COLEC10: variants seen among roughly 807,000 people sequenced by gnomAD.
COLEC10 encodes collectin subfamily member 10.
Under a neutral mutation model 28.4 loss-of-function variants are expected in COLEC10, and 22 were observed. That is an observed-to-expected ratio of 0.78 (90% CI 0.55 to 1.11). COLEC10 has a LOEUF of 1.11. Ranked by LOEUF, COLEC10 falls within the 50% of genes least tolerant of loss-of-function variation. COLEC10 has a pLI of 0.00. For missense variants in COLEC10, 361 were observed against 344.1 expected (o/e 1.05, Z -0.39); for synonymous variants, 125 against 116.1 (o/e 1.08, Z -0.49).
chr8:118,987,689 C>G, the COLEC10 span, among the ~76,000 whole-genome samples: 1 of 152,084 alleles, frequency 6.6e-6, no homozygotes, highest in African/African-American at 2.4e-5. Context: ...TATGTCTAGA[C>G]CACTATCATT....
rs757038183 is a variant in COLEC10, at chr8:119,105,936, A to G, written c.579A>G (p.Thr193=). The change falls in exon 6 of 6, where the codon ACA becomes ACG. Residue 193 remains threonine (T), a synonymous_variant. Coordinates refer to ENST00000332843, the MANE Select transcript of COLEC10 (RefSeq NM_006438.5). ...LAMPKDEAAN[T]LIADYVAKSG... is the part of the protein sequence containing the mutation. The stretch of plus-strand genomic sequence containing the variant: ...TGCCCAAGGATGAAGCTGCCAACAC[A>G]CTCATCGCTGACTATGTTGCCAAGA... 1 of 1,613,752 alleles carries G rather than the reference A, an allele frequency of 6.2e-7. No individual in the cohort carries two copies. The highest frequency in any genetic ancestry group is 8.5e-7 in the Non-Finnish European group (1 of 1,179,874).
intron 1 of COLEC10, among the ~76,000 whole-genome samples, chr8:119,077,405 A>C (rs1384261883): frequency 6.6e-6 from 1 of 152,108 alleles, no homozygotes; most frequent in African/African-American, 2.4e-5. Context: ...TGTATGCAAA[A>C]CTAAAATGTC....
intron 2 of COLEC10, among the ~76,000 whole-genome samples, chr8:119,090,818 C>T (rs1815575813): frequency 6.6e-6 from 1 of 152,152 alleles, no homozygotes; most frequent in African/African-American, 2.4e-5. Context: ...TAAAGAAGAA[C>T]AAAACCAGAA....
chr8:118,952,866 G>T, the COLEC10 span, among the ~76,000 whole-genome samples: 2 of 152,210 alleles, frequency 1.3e-5, no homozygotes, highest in South Asian at 4.1e-4. Context: ...TTGATGACTT[G>T]TAAAGTGTGG....
upstream of COLEC10, among the ~76,000 whole-genome samples, chr8:118,992,460 A>G (rs1366492558): frequency 1.3e-5 from 2 of 152,164 alleles, no homozygotes; most frequent in Non-Finnish European, 2.9e-5. Flanking sequence ...TTACTTCCTA[A>G]CAGAAGTGTT....
intron 1 of COLEC10, among the ~76,000 whole-genome samples, chr8:119,069,617 AAAAAAAAAAAAAATATATATATAT>A (rs1363189035): frequency 4.8e-5 from 3 of 62,390 alleles, no homozygotes; most frequent in African/African-American, 2.2e-4. Flanking sequence ...AAAAAAAAAA[AAAAAAAAAAAAAATATATATATAT>A]ATATATATAT....
the COLEC10 span, among the ~76,000 whole-genome samples, chr8:118,961,313 G>A: frequency 3.3e-5 from 5 of 152,292 alleles, no homozygotes; most frequent in African/African-American, 9.6e-5. Flanking sequence ...TTTGTTAGCT[G>A]TTTCTGTTTC....
intron 2 of COLEC10, among the ~76,000 whole-genome samples, chr8:119,045,189 G>A (rs1291249937): frequency 2.6e-5 from 4 of 152,126 alleles, no homozygotes; most frequent in Admixed American, 2.0e-4. Context: ...ATTGACCTCC[G>A]GCATTAATAC....
intron 2 of COLEC10, among the ~76,000 whole-genome samples, chr8:119,037,362 T>C (rs772549931): frequency 3.9e-5 from 6 of 152,178 alleles, no homozygotes; most frequent in Non-Finnish European, 8.8e-5. Flanking sequence ...TAAATACATG[T>C]AAGAATAAAT....
intron 2 of COLEC10, among the ~76,000 whole-genome samples, chr8:119,040,998 A>C (rs1031357315): frequency 1.3e-5 from 2 of 152,248 alleles, no homozygotes; most frequent in African/African-American, 4.8e-5. Context: ...CACATGGAGA[A>C]TAATTAATGC....
At chr8:119,059,247 T>A (rs1814813326) in intron 2 of COLEC10, among the ~76,000 whole-genome samples, 1 of 143,646 alleles carries the variant, frequency 7.0e-6, no homozygotes, top group African/African-American at 2.6e-5. Flanking sequence ...CTTTTATGAA[T>A]TGTTCTTTTG....
At position 119,098,400 on chromosome 8, in the gene COLEC10, T is replaced by C. The variant is rs1315367452; in HGVS notation, c.293-3948T>C. Among the ~76,000 whole-genome samples the C allele has an allele frequency of 3.9e-5, 6 of 152,218 alleles. No individual in the cohort carries two copies. In the South Asian group the frequency reaches 8.3e-4, roughly 21 times the overall value. On this transcript the variant is annotated intron_variant, in intron 3 of 5. Coordinates refer to ENST00000332843, the MANE Select transcript of COLEC10 (RefSeq NM_006438.5). Reference sequence around the variant, plus strand: ...GGATTAACTAACCTTATTTCCTTCATGCTAATTCCTCCTTTAAGGCTCAGG... The same window carrying C: ...GGATTAACTAACCTTATTTCCTTCACGCTAATTCCTCCTTTAAGGCTCAGG...
At chr8:118,984,026 T>C in the COLEC10 span, among the ~76,000 whole-genome samples, 1 of 151,952 alleles carries the variant, frequency 6.6e-6, no homozygotes, top group Non-Finnish European at 1.5e-5. Context: ...TATAAAGACA[T>C]GCATAATGTA....
At chr8:118,967,060 A>G in the COLEC10 span, among the ~76,000 whole-genome samples, 1 of 152,140 alleles carries the variant, frequency 6.6e-6, no homozygotes, top group Non-Finnish European at 1.5e-5. Context: ...CAGTTTCTGC[A>G]CTTCTTTCAG....
chr8:118,996,431 G>T (rs538426601), intron 1 of COLEC10, among the ~76,000 whole-genome samples: 2 of 152,064 alleles, frequency 1.3e-5, no homozygotes, highest in African/African-American at 4.8e-5. Context: ...TTTGAGGAAC[G>T]CTCGTTCTGC....
upstream of COLEC10, among the ~76,000 whole-genome samples, chr8:119,065,014 T>C (rs1814926444): frequency 6.6e-6 from 1 of 152,204 alleles, no homozygotes. Context: ...GTACTGCTTA[T>C]GAAAAAATCA....
At chr8:119,103,127 C>A (rs1235858421) in intron 4 of COLEC10, among the ~76,000 whole-genome samples, 2 of 152,068 alleles carry the variant, frequency 1.3e-5, no homozygotes, top group African/African-American at 4.8e-5. Flanking sequence ...AATTTTACAT[C>A]GGTTTCCTTG....
rs1815962771 is a variant in COLEC10, at chr8:119,107,058, G to T, written c.*867G>T. Among the ~76,000 whole-genome samples, 2 of 152,090 alleles carry T rather than the reference G, an allele frequency of 1.3e-5. No individual in the cohort carries two copies. Among genetic ancestry groups the T allele is most frequent in the Admixed American group, 6.6e-5 (1 of 15,262 alleles). ...TTAACTTCATTTTTATTTATCTTAGGTTTACCTGCATCAATTTTATTCACC... is the reference window on the plus strand; with the variant it reads ...TTAACTTCATTTTTATTTATCTTAGTTTTACCTGCATCAATTTTATTCACC... On this transcript the variant is annotated 3_prime_UTR_variant, in exon 6 of 6. Transcript: ENST00000332843.
In COLEC10 at chr8:119,067,556, T is replaced by C. The variant is rs182791281; in HGVS notation, c.148+127T>C. The C allele has an allele frequency of 1.2e-4, 104 of 902,672 alleles. No homozygotes were observed. In the East Asian group the frequency reaches 2.7e-3, roughly 23 times the overall value. The allele number at this position is 902,672 out of a possible 1,614,324, so 55.9% of individuals were successfully genotyped here. Reference sequence around the variant, plus strand: ...CTAGTTTCCTCCCATTTTCCTTCTATTTTGGAAAATCAGGATTTTCCAGAT... The same window carrying C: ...CTAGTTTCCTCCCATTTTCCTTCTACTTTGGAAAATCAGGATTTTCCAGAT... On this transcript the variant is annotated intron_variant, in intron 1 of 5. Transcript: ENST00000332843.
Sources: gnomAD v4.1 joint callset for allele counts (sites outside exome capture counted in the v4.1 genomes callset) on GRCh38, gnomAD v4.1.1 for gene constraint, MANE v1.5 for transcripts, NCBI Gene and HGNC (gene_info 2026-07-23, HGNC 2026-07-21) for gene names.